The following FAM20C variants were observed in gnomAD, a reference collection of about 807,000 sequenced individuals.
FAM20C encodes FAM20C golgi associated secretory pathway kinase, also known as extracellular serine/threonine protein kinase FAM20C.
A neutral mutation model predicts 51.5 loss-of-function variants in FAM20C; 40 were observed. The ratio of observed to expected loss-of-function variants is 0.78; its 90% CI spans 0.60 to 1.01. The LOEUF (loss-of-function observed/expected upper bound fraction) is 1.01. Among genes scored for constraint, FAM20C ranks in the 50% least tolerant of loss-of-function variants. The pLI, the probability that FAM20C is intolerant of heterozygous loss-of-function variation, is 0.00. For missense variants in FAM20C, 861 were observed against 844.7 expected, an observed-to-expected ratio of 1.02 and a Z score of -0.24; for synonymous variants, 406 against 380.6, an observed-to-expected ratio of 1.07 and a Z score of -0.78.
chr7:212,957 C>T (rs1786791242), intron 3 of FAM20C, among the ~76,000 whole-genome samples: 2 of 129,058 alleles, frequency 1.5e-5, no homozygotes, highest in African/African-American at 2.8e-5. Flanking sequence ...GTCATCACTC[C>T]TCAACCCCCT....
Position 248,315 on chromosome 7 carries a change from G to A in FAM20C, c.957G>A (p.Arg319=), listed in dbSNP as rs1788252780. ...NAEIAAFHLD[R]ILDFRRVPPV... is the part of the protein sequence containing the mutation. ...CCATTCCCCGCCCGTTTCTTGCCAG[G>A]ATCCTGGACTTCCGCCGGGTCCCTC... The change falls in exon 5 of 10, where the codon AGG becomes AGA. Residue 319 remains arginine, a splice_region_variant and synonymous_variant. Transcript: ENST00000313766. The A allele has an allele frequency of 1.3e-6, 2 of 1,536,232 alleles. No homozygotes were observed. The highest frequency in any genetic ancestry group is 2.7e-5 in the African/African-American group (2 of 73,162).
At chr7:223,366 C>A (rs1787325667) in intron 3 of FAM20C, among the ~76,000 whole-genome samples, 1 of 152,186 alleles carries the variant, frequency 6.6e-6, no homozygotes, top group Non-Finnish European at 1.5e-5. Context: ...AGCCACATAG[C>A]AGGGGCTCGA....
intron 3 of FAM20C, among the ~76,000 whole-genome samples, chr7:226,618 AC>A: frequency 6.6e-6 from 1 of 152,228 alleles, no homozygotes; most frequent in Middle Eastern, 3.4e-3. Context: ...GGGGACGGGC[AC>A]AGGCGGCCGC....
chr7:218,567 G>A (rs1787109236), intron 3 of FAM20C, among the ~76,000 whole-genome samples: 2 of 152,146 alleles, frequency 1.3e-5, no homozygotes, highest in South Asian at 4.1e-4. Context: ...TGACAAGTGT[G>A]TGGGCATCGT....
intron 2 of FAM20C, among the ~76,000 whole-genome samples, chr7:204,815 G>C (rs553821852): frequency 2.0e-5 from 3 of 152,204 alleles, no homozygotes; most frequent in Non-Finnish European, 4.4e-5. Context: ...TCGCTGTGCT[G>C]TGTCCCCACA....
intron 5 of FAM20C, among the ~76,000 whole-genome samples, chr7:250,250 C>T (rs1788344142): frequency 6.6e-6 from 1 of 152,180 alleles, no homozygotes; most frequent in African/African-American, 2.4e-5. Context: ...GAACCCGGCC[C>T]CCGAATCCAT....
In FAM20C at chr7:256,643, GC is replaced by G. The variant is rs1343592888; in HGVS notation, c.1254-10del. On this transcript the variant is annotated splice_polypyrimidine_tract_variant and intron_variant, in intron 6 of 9. Transcript: ENST00000313766. ...GGCCTGGGCCCCCCGTCTCACGCTG[GC>G]TCCCCGCAGGTGGGAGGTGGACCCT... is the stretch of plus-strand genomic sequence containing the variant. The G allele has an allele frequency of 2.0e-6, 3 of 1,533,772 alleles. No individual in the cohort carries two copies. In the African/African-American group the frequency reaches 4.1e-5, roughly 21 times the overall value.
At chr7:249,234 GCC>G (rs1562394854) in intron 5 of FAM20C, among the ~76,000 whole-genome samples, 4 of 150,918 alleles carry the variant, frequency 2.7e-5, no homozygotes, top group Admixed American at 6.6e-5. Flanking sequence ...GGCCTCCCCC[GCC>G]TCGGCGAAGT....
At chr7:234,486 C>T (rs925673883) in intron 3 of FAM20C, among the ~76,000 whole-genome samples, 171 of 152,240 alleles carry the variant, frequency 1.1e-3, no homozygotes, top group African/African-American at 3.7e-3. Flanking sequence ...GTGCCAGGAC[C>T]GGGACTCCTC....
intron 8 of FAM20C, among the ~76,000 whole-genome samples, chr7:257,852 CT>C (rs1463193702): frequency 1.6e-4 from 19 of 121,116 alleles, no homozygotes; most frequent in African/African-American, 5.5e-4. Context: ...GACCCACTGC[CT>C]GGGGTGCTGG....
At chr7:228,770 C>T (rs1787543455) in intron 3 of FAM20C, 1 of 456,148 alleles carries the variant, frequency 2.2e-6, no homozygotes, top group African/African-American at 2.0e-5. Context: ...TGAACAGACG[C>T]CACGACTCTC....
At chr7:246,602 C>T (rs946236098) in intron 4 of FAM20C, 95 bp downstream of exon 4, 32 of 514,724 alleles carry the variant, frequency 6.2e-5, no homozygotes, top group African/African-American at 1.7e-4. Flanking sequence ...AGGACGTCAT[C>T]GTCACCTTCG....
At chr7:202,267 C>T (rs888619500) in intron 2 of FAM20C, among the ~76,000 whole-genome samples, 14 of 148,288 alleles carry the variant, frequency 9.4e-5, no homozygotes, top group African/African-American at 2.8e-4. Flanking sequence ...ATAGAGAGGA[C>T]AGGTGGCTGC....
intron 3 of FAM20C, 31 bp from the exon 4 acceptor site, chr7:246,380 GACAA>G: frequency 6.6e-7 from 1 of 1,521,910 alleles, no homozygotes; most frequent in Non-Finnish European, 8.8e-7. Context: ...CTTTCTCAGT[GACAA>G]ACCGTTTCTG....
intron 2 of FAM20C, among the ~76,000 whole-genome samples, chr7:204,571 C>T (rs2115056568): frequency 6.6e-6 from 1 of 152,360 alleles, no homozygotes. Context: ...ATGGGGAGGG[C>T]ACGTGGCGCT....
intron 3 of FAM20C, among the ~76,000 whole-genome samples, chr7:243,941 A>ATTATTATTATTATTATT (rs1554254455): frequency 4.6e-4 from 52 of 112,014 alleles, no homozygotes; most frequent in African/African-American, 1.5e-3. Context: ...TAATAATAAT[A>ATTATTATTATTATTATT]ATAATTATTA....
chr7:217,912 A>G (rs2115090261), intron 3 of FAM20C, among the ~76,000 whole-genome samples: 1 of 152,214 alleles, frequency 6.6e-6, no homozygotes, highest in Admixed American at 6.5e-5. Context: ...GAGGAGGTGC[A>G]GCTGCTCTTT....
intron 3 of FAM20C, among the ~76,000 whole-genome samples, chr7:234,720 C>T (rs1787800422): frequency 6.6e-6 from 1 of 152,188 alleles, no homozygotes; most frequent in African/African-American, 2.4e-5. Context: ...TGTTGAAAAT[C>T]TGCCCTGTCC....
chr7:246,715 C>T (rs553534568), intron 4 of FAM20C, among the ~76,000 whole-genome samples: 9 of 149,902 alleles, frequency 6.0e-5, no homozygotes, highest in Admixed American at 4.7e-4. Flanking sequence ...CAGGCAGCGC[C>T]GGTGCCTGCT....
Sources: allele counts gnomAD v4.1 joint callset (sites outside exome capture counted in the v4.1 genomes callset), GRCh38; gene constraint gnomAD v4.1.1; transcripts MANE v1.5; gene names NCBI Gene and HGNC (gene_info 2026-07-23, HGNC 2026-07-21).